Variants in GPR55 observed in about 807,000 individuals in gnomAD.
The protein encoded by GPR55 is G protein-coupled receptor 55.
GPR55 carries 6 observed loss-of-function variants against 7.9 expected under a neutral mutation model. That is an observed-to-expected ratio of 0.76 (90% CI 0.41 to 1.49). The LOEUF (loss-of-function observed/expected upper bound fraction) is 1.49, where lower values mean the gene tolerates loss of function less well. Among genes scored for constraint, GPR55 ranks in the 40% most tolerant of loss-of-function variants. The probability of loss-of-function intolerance (pLI) is 0.01; values close to 1 mark genes in which losing one functional copy is unlikely to be tolerated. For missense variants in GPR55, 376 were observed against 406.0 expected, an observed-to-expected ratio of 0.93 and a Z score of 0.63; for synonymous variants, 183 against 166.8, an observed-to-expected ratio of 1.10 and a Z score of -0.75.
At chr2:230,954,577 G>A (rs1020477071) in intron 1 of GPR55, among the ~76,000 whole-genome samples, 1 of 152,086 alleles carries the variant, frequency 6.6e-6, no homozygotes, top group Non-Finnish European at 1.5e-5. Context: ...GGTAAATGAG[G>A]TATCCATCAA....
At chr2:230,913,092 A>G (rs1409740459) in intron 1 of GPR55, among the ~76,000 whole-genome samples, 2 of 152,238 alleles carry the variant, frequency 1.3e-5, no homozygotes, top group Non-Finnish European at 2.9e-5. Flanking sequence ...CTATATCAGC[A>G]TATATGAATG....
rs774131103 is a variant in GPR55 at position 230,910,696 on chromosome 2, G to A, written c.267C>T (p.Pro89=). 2.5e-6 allele frequency: 4 copies of A among 1,613,280 alleles called. No individual in the cohort carries two copies. Among genetic ancestry groups the A allele is most frequent in the African/African-American group, 2.7e-5 (2 of 75,034 alleles). ...FKMVLSQVQS[P]FPSLCTLVEC... ...CCACCAGGGTGCACAGGGACGGGAA[G>A]GGGGACTGTACCTGGGACAGGACCA... The change falls in exon 2 of 2, where the codon CCC becomes CCT. Residue 89 remains proline (P), a synonymous_variant. Coordinates refer to ENST00000650999, the MANE Select transcript of GPR55 (RefSeq NM_005683.4). The surrounding 1 kb of genome is among the most constrained non-coding windows in gnomAD (Gnocchi z 5.4).
chr2:230,931,465 C>A (rs986844292), intron 1 of GPR55, among the ~76,000 whole-genome samples: 1 of 152,186 alleles, frequency 6.6e-6, no homozygotes, highest in African/African-American at 2.4e-5. Context: ...GAGATGGCAC[C>A]TAGAGAGGCC....
At chr2:230,922,622 C>A (rs1468934422) in intron 1 of GPR55, among the ~76,000 whole-genome samples, 1 of 152,148 alleles carries the variant, frequency 6.6e-6, no homozygotes, top group East Asian at 1.9e-4. Flanking sequence ...GTTGCCCAGG[C>A]TGGGGTGCAA....
upstream of GPR55, chr2:230,929,571 G>C (rs1413661201): frequency 6.6e-6 from 1 of 152,218 alleles, no homozygotes; most frequent in Non-Finnish European, 1.5e-5. Flanking sequence ...TTCTGTTCTT[G>C]TCATGATCCA....
At chr2:230,942,994 T>C (rs1041372548) in intron 1 of GPR55, among the ~76,000 whole-genome samples, 5 of 150,876 alleles carry the variant, frequency 3.3e-5, no homozygotes, top group African/African-American at 1.2e-4. Flanking sequence ...GATTTGTCCT[T>C]GTGACCTGAA....
At chr2:230,917,595 C>A (rs983046151) in intron 1 of GPR55, among the ~76,000 whole-genome samples, 35 of 152,036 alleles carry the variant, frequency 2.3e-4, no homozygotes, top group Admixed American at 2.0e-3. Context: ...ATCGTTTGAG[C>A]CCAGGAGTTT....
upstream of GPR55, among the ~76,000 whole-genome samples, chr2:230,929,092 G>A (rs1412747219): frequency 3.9e-5 from 6 of 152,072 alleles, no homozygotes; most frequent in Admixed American, 2.0e-4. Flanking sequence ...GGACTCAAGC[G>A]ATCCCCCACC....
At chr2:230,918,843 T>C (rs1690772848) in intron 1 of GPR55, among the ~76,000 whole-genome samples, 2 of 152,170 alleles carry the variant, frequency 1.3e-5, no homozygotes, top group Non-Finnish European at 2.9e-5. Flanking sequence ...ATTTAACTAA[T>C]GGAACAGGAA....
rs940265388 is a variant in GPR55 at position 230,924,388 on chromosome 2, G to A, written c.-135+780C>T. Reference sequence around the variant, plus strand: ...CAGCACAAAGCCCAGGTGAAGCCAGGCCAGCCAGACATGTCCTGACTTTGT... The same window carrying A: ...CAGCACAAAGCCCAGGTGAAGCCAGACCAGCCAGACATGTCCTGACTTTGT... On this transcript the variant is annotated intron_variant, in intron 1 of 1. Transcript: ENST00000650999. This position sits in a 1 kb window ranked among gnomAD's most constrained non-coding sequence, Gnocchi z 4.5. Among the ~76,000 whole-genome samples the A allele has an allele frequency of 6.6e-6, 1 of 152,172 alleles. No homozygotes were observed. The highest frequency in any genetic ancestry group is 2.4e-5 in the African/African-American group (1 of 41,438).
chr2:230,921,401 A>G (rs148493334), intron 1 of GPR55, among the ~76,000 whole-genome samples: 1 of 152,214 alleles, frequency 6.6e-6, no homozygotes, highest in Non-Finnish European at 1.5e-5. Flanking sequence ...CACAAAATTT[A>G]CCCCATTCCC....
intron 1 of GPR55, among the ~76,000 whole-genome samples, chr2:230,932,755 C>T (rs1261296624): frequency 1.3e-5 from 2 of 152,176 alleles, no homozygotes; most frequent in Non-Finnish European, 2.9e-5. Context: ...GCACCACCTC[C>T]TCGCTTCCTG....
chr2:230,947,530 G>A (rs1416988977), intron 1 of GPR55, among the ~76,000 whole-genome samples: 1 of 148,434 alleles, frequency 6.7e-6, no homozygotes, highest in Non-Finnish European at 1.5e-5. Flanking sequence ...TTGAGACAGG[G>A]TCTCACTCTG....
chr2:230,954,594 C>T (rs1691453689), intron 1 of GPR55, among the ~76,000 whole-genome samples: 2 of 152,156 alleles, frequency 1.3e-5, no homozygotes, highest in Admixed American at 6.5e-5. Flanking sequence ...TCAACTAAAG[C>T]ATTCATCCTT....
chr2:230,907,903 C>T lies in GPR55; in HGVS notation c.*2100G>A, dbSNP rs1394657642. On this transcript the variant is annotated 3_prime_UTR_variant, in exon 2 of 2. Transcript: ENST00000650999. ...ACCCAAGTGCACATGACGGGCATCA[C>T]TCAACTCCACCAGGCAGGCTCCCAA... is the stretch of plus-strand genomic sequence containing the variant. 6.6e-6 allele frequency: 1 copy of T among 152,316 alleles called. No individual in the cohort carries two copies. Among genetic ancestry groups the T allele is most frequent in the African/African-American group, 2.4e-5 (1 of 41,566 alleles). 9.4% of individuals were successfully genotyped at this position (152,316 alleles called of 1,614,324 possible).
At chr2:230,927,272 A>G (rs1690959469), upstream of GPR55, among the ~76,000 whole-genome samples, 1 of 152,082 alleles carries the variant, frequency 6.6e-6, no homozygotes. Flanking sequence ...GCTGCTCTGC[A>G]GTAGAAGGCA....
At chr2:230,914,581 G>A (rs1029987009) in intron 1 of GPR55, among the ~76,000 whole-genome samples, 1 of 151,668 alleles carries the variant, frequency 6.6e-6, no homozygotes, top group African/African-American at 2.4e-5. Context: ...CACTCCAAAC[G>A]GCAGCAAGAG....
intron 1 of GPR55, among the ~76,000 whole-genome samples, chr2:230,940,516 G>T (rs73992989): frequency 1.3e-5 from 2 of 152,190 alleles, no homozygotes; most frequent in Admixed American, 6.5e-5. Flanking sequence ...CGAAGACAGC[G>T]TCATTCTGGA....
intron 1 of GPR55, among the ~76,000 whole-genome samples, chr2:230,915,284 C>T (rs1690683900): frequency 6.6e-6 from 1 of 152,212 alleles, no homozygotes; most frequent in African/African-American, 2.4e-5. Flanking sequence ...CATCCCAGTG[C>T]TGCCATTGAT....
Sources: allele counts gnomAD v4.1 joint callset (sites outside exome capture counted in the v4.1 genomes callset), GRCh38; gene constraint gnomAD v4.1.1; non-coding constraint Gnocchi (gnomAD v3.1); transcripts MANE v1.5; gene names NCBI Gene and HGNC (gene_info 2026-07-23, HGNC 2026-07-21).